CDNF: variants seen among roughly 807,000 people sequenced by gnomAD.
CDNF encodes cerebral dopamine neurotrophic factor, also known as ARMET-like protein 1.
In CDNF, 9 loss-of-function variants were observed where a neutral mutation model predicts 14.8. The ratio of observed to expected loss-of-function variants is 0.61; its 90% CI spans 0.37 to 1.06. CDNF has a LOEUF of 1.06. CDNF is among the 50% of genes least tolerant of loss of function. The pLI, the probability that CDNF is intolerant of heterozygous loss-of-function variation, is 0.01. For synonymous variants in CDNF, 86 were observed against 87.2 expected (o/e 0.99, Z 0.07); for missense variants, 228 against 228.4 (o/e 1.00, Z 0.01).
chr10:14,828,038 A>G, intron 2 of CDNF, 107 bp downstream of exon 2: 1 of 1,090,568 alleles, frequency 9.2e-7, no homozygotes, highest in East Asian at 2.4e-5. Context: ...TAAAATGGAC[A>G]TACTTGAGGC....
rs187854757 is a variant in CDNF, at chr10:14,834,847, G to C, written c.115+2985C>G. ...AGCCCTGCCAGGGGACTAGACAGGAGGGAGACAGGTAGCAGGAAGAATGCT... is the reference window on the plus strand; with the variant it reads ...AGCCCTGCCAGGGGACTAGACAGGACGGAGACAGGTAGCAGGAAGAATGCT... On this transcript the variant is annotated intron_variant, in intron 1 of 3. Coordinates refer to ENST00000465530, the MANE Select transcript of CDNF (RefSeq NM_001029954.3). Among the ~76,000 whole-genome samples the C allele has an allele frequency of 3.0e-3, 451 of 152,296 alleles. 1 individual carries two copies. Among genetic ancestry groups the C allele is most frequent in the Non-Finnish European group, 5.1e-3 (346 of 68,010 alleles).
Position 14,819,933 on chromosome 10 carries a change from T to C in CDNF, c.*47A>G. 1 of 1,540,240 alleles carries C rather than the reference T, an allele frequency of 6.5e-7. No homozygotes were observed. Among genetic ancestry groups the C allele is most frequent in the Non-Finnish European group, 8.9e-7 (1 of 1,125,628 alleles). On this transcript the variant is annotated 3_prime_UTR_variant, in exon 4 of 4. Transcript: ENST00000465530. Reference sequence around the variant, plus strand: ...ATCAACATGTCCATATCCTAGAGAGTCACTTTTCTCTCTAATTACAAGTCA... The same window carrying C: ...ATCAACATGTCCATATCCTAGAGAGCCACTTTTCTCTCTAATTACAAGTCA...
intron 3 of CDNF, among the ~76,000 whole-genome samples, chr10:14,821,876 A>G (rs949159249): frequency 6.6e-6 from 1 of 152,210 alleles, no homozygotes; most frequent in Non-Finnish European, 1.5e-5. Context: ...GCCAACTTGA[A>G]ACCCATAGAT....
Position 14,837,888 on chromosome 10 carries a change from TGA to T in CDNF, c.57_58del (p.His20ProfsTer18), listed in dbSNP as rs780937788. ...CTCCTGGCCCTGCGTCAGCACCGGG[TGA>T]GAGACCAAAAGCCCGGCGCAAAAGG... On this transcript the variant is annotated frameshift_variant, in exon 1 of 4. Coordinates refer to ENST00000465530, the MANE Select transcript of CDNF (RefSeq NM_001029954.3). LOFTEE classifies it high-confidence loss of function. 2.5e-6 allele frequency: 4 copies of T among 1,606,684 alleles called. No homozygotes were observed. In the African/African-American group the frequency reaches 5.3e-5, roughly 21 times the overall value.
At chr10:14,826,985 G>A (rs1312399472) in intron 2 of CDNF, among the ~76,000 whole-genome samples, 1 of 150,640 alleles carries the variant, frequency 6.6e-6, no homozygotes, top group African/African-American at 2.4e-5. Context: ...GGAGGCCAAG[G>A]CGGGTGAATC....
chr10:14,820,844 G>A (rs1833732302), intron 3 of CDNF, among the ~76,000 whole-genome samples: 1 of 152,216 alleles, frequency 6.6e-6, no homozygotes, highest in African/African-American at 2.4e-5. Flanking sequence ...TGGAGGAGGG[G>A]CCTGTTGGAA....
rs756213423 is a variant in CDNF, at chr10:14,837,845, C to G, written c.102G>C (p.Gly34=). The change falls in exon 1 of 4, where the codon GGG becomes GGC. Residue 34 remains glycine, a synonymous_variant. Coordinates refer to ENST00000465530, the MANE Select transcript of CDNF (RefSeq NM_001029954.3). ...TQGQEAGGRP[G]ADCEVCKEFL... is the part of the protein sequence containing the mutation. ...CACACCGCTCACCTTCACAGTCGGC[C>G]CCTGGCCGCCCCCCGGCCTCCTGGC... 6.3e-7 allele frequency: 1 copy of G among 1,591,468 alleles called. No homozygotes were observed. Among genetic ancestry groups the G allele is most frequent in the Non-Finnish European group, 8.5e-7 (1 of 1,171,266 alleles).
chr10:14,826,026 A>G (rs1241484375), intron 2 of CDNF, among the ~76,000 whole-genome samples: 12 of 113,334 alleles, frequency 1.1e-4, no homozygotes, highest in South Asian at 7.0e-4. Context: ...GAAGAAGAAG[A>G]AGGAGAAGAA....
chr10:14,822,571 C>CAA (rs879883884), intron 3 of CDNF, among the ~76,000 whole-genome samples: 2 of 135,958 alleles, frequency 1.5e-5, no homozygotes, highest in African/African-American at 5.4e-5. Flanking sequence ...GTGAGACTGT[C>CAA]AAAAAAAAAA....
chr10:14,829,283 C>T (rs566764301), intron 1 of CDNF, among the ~76,000 whole-genome samples: 201 of 152,324 alleles, frequency 1.3e-3, no homozygotes, highest in African/African-American at 4.6e-3. Context: ...CCTTGGTGAT[C>T]TGCATAAGTC....
At chr10:14,821,401 G>C (rs1341588619) in intron 3 of CDNF, among the ~76,000 whole-genome samples, 1 of 152,220 alleles carries the variant, frequency 6.6e-6, no homozygotes, top group Non-Finnish European at 1.5e-5. Flanking sequence ...TGGAATTACA[G>C]GCGTGAGCCA....
chr10:14,826,023 A>AAGG (rs1564313238), intron 2 of CDNF, among the ~76,000 whole-genome samples: 43 of 115,944 alleles, frequency 3.7e-4, no homozygotes, highest in African/African-American at 1.4e-3. Flanking sequence ...GCAGAAGAAG[A>AAGG]AGAAGGAGAA....
intron 3 of CDNF, among the ~76,000 whole-genome samples, chr10:14,822,833 A>C (rs937575455): frequency 6.6e-5 from 10 of 152,238 alleles, no homozygotes; most frequent in Admixed American, 6.5e-4. Flanking sequence ...GGATGTTAAA[A>C]GACTTTTGTA....
chr10:14,825,333 T>C, intron 3 of CDNF, 146 bp downstream of exon 3: 3 of 741,942 alleles, frequency 4.0e-6, no homozygotes, highest in Admixed American at 2.4e-5. Flanking sequence ...CAAATGCCCA[T>C]AGGTACCATT....
chr10:14,832,042 A>C (rs1833848274), intron 1 of CDNF, among the ~76,000 whole-genome samples: 1 of 152,234 alleles, frequency 6.6e-6, no homozygotes, highest in Admixed American at 6.5e-5. Flanking sequence ...CTTGAGAGTT[A>C]CATCCGATAG....
rs376628394 is a variant in CDNF, at chr10:14,825,507, C to A, written c.357G>T (p.Leu119Phe). The A allele has an allele frequency of 2.2e-5, 35 of 1,613,890 alleles. No homozygotes were observed. In the African/African-American group the frequency reaches 4.4e-4, roughly 20 times the overall value. ...ATTTCAGCTCACAGATCTGGCTATCCAACTTCTTCAGCTTCTCACAAATCT... is the reference window on the plus strand; with the variant it reads ...ATTTCAGCTCACAGATCTGGCTATCAAACTTCTTCAGCTTCTCACAAATCT... ...AMKICEKLKK[L>F]DSQICELKYE... The change falls in exon 3 of 4, where the codon TTG becomes TTT. Residue 119 changes from leucine (L) to phenylalanine (F), a missense_variant. Leu to Phe is a conservative substitution (Grantham distance 22, BLOSUM62 0). Coordinates refer to ENST00000465530, the MANE Select transcript of CDNF (RefSeq NM_001029954.3).
intron 1 of CDNF, among the ~76,000 whole-genome samples, chr10:14,834,597 T>C (rs575490689): frequency 5.4e-4 from 83 of 152,340 alleles, no homozygotes; most frequent in African/African-American, 1.9e-3. Flanking sequence ...CCCAAAATTT[T>C]ATCACAGCAT....
At chr10:14,834,231 C>A (rs1833868434) in intron 1 of CDNF, 1 of 151,988 alleles carries the variant, frequency 6.6e-6, no homozygotes, top group Non-Finnish European at 1.5e-5. Flanking sequence ...AGTCCAGCTA[C>A]TCAGGAGGCT....
At chr10:14,831,162 G>T (rs1450329294) in intron 1 of CDNF, among the ~76,000 whole-genome samples, 3 of 152,280 alleles carry the variant, frequency 2.0e-5, no homozygotes, top group Middle Eastern at 3.4e-3. Context: ...TTGGGGCCCT[G>T]AATTAGTTGG....
Sources: allele counts gnomAD v4.1 joint callset (sites outside exome capture counted in the v4.1 genomes callset), GRCh38; gene constraint gnomAD v4.1.1; transcripts MANE v1.5; gene names NCBI Gene and HGNC (gene_info 2026-07-23, HGNC 2026-07-21).